RELCH: variants seen among roughly 807,000 people sequenced by gnomAD.
The protein encoded by RELCH is RAB11 binding and LisH domain, coiled-coil and HEAT repeat containing.
RELCH carries 41 observed loss-of-function variants against 150.3 expected under a neutral mutation model. The ratio of observed to expected loss-of-function variants is 0.27; its 90% confidence interval spans 0.21 to 0.35. The LOEUF is 0.35. Ranked by LOEUF, RELCH falls within the 10% of genes least tolerant of loss-of-function variation. RELCH has a pLI of 1.00. For missense variants in RELCH, 1,092 were observed against 1,467.8 expected, an observed-to-expected ratio of 0.74 and a Z score of 4.18; for synonymous variants, 478 against 531.8, an observed-to-expected ratio of 0.90 and a Z score of 1.39.
chr18:62,211,122 T>TA (rs1363459452), intron 1 of RELCH, 31 bp from the exon 2 acceptor site: 1 of 1,221,266 alleles, frequency 8.2e-7, no homozygotes, highest in Admixed American at 2.2e-5. Context: ...ACAATTAAAT[T>TA]AAAAAACTTT....
chr18:62,196,487 C>T (rs1217229344), intron 1 of RELCH, among the ~76,000 whole-genome samples: 2 of 152,206 alleles, frequency 1.3e-5, no homozygotes, highest in East Asian at 1.9e-4. Context: ...GCCTCGGCCT[C>T]CCAACGTGCT....
intron 20 of RELCH, among the ~76,000 whole-genome samples, chr18:62,273,015 T>C (rs1485712260): frequency 6.6e-6 from 1 of 151,758 alleles, no homozygotes; most frequent in Non-Finnish European, 1.5e-5. Flanking sequence ...TACTTCATTC[T>C]TAACTAACCT....
intron 5 of RELCH, among the ~76,000 whole-genome samples, chr18:62,224,645 TATC>T (rs1448587152): frequency 6.6e-6 from 1 of 152,078 alleles, no homozygotes; most frequent in Middle Eastern, 3.2e-3. Context: ...ATTTTTAAAA[TATC>T]ATGTTCAATA....
chr18:62,188,042 G>T lies in RELCH; in HGVS notation c.526+11G>T, dbSNP rs773150265. The T allele has an allele frequency of 1.3e-6, 2 of 1,543,274 alleles. No individual in the cohort carries two copies. Among genetic ancestry groups the T allele is most frequent in the Non-Finnish European group, 1.7e-6 (2 of 1,144,964 alleles). ...GCGGGGGACAGCTCAGTAAGTGGAC[G>T]CAGCCTGTCACACTCCGGCAGGGTA... On this transcript the variant is annotated intron_variant, in intron 1 of 28. Transcript: ENST00000644646.
At chr18:62,226,870 A>G (rs1023471916) in intron 5 of RELCH, among the ~76,000 whole-genome samples, 3 of 152,092 alleles carry the variant, frequency 2.0e-5, no homozygotes, top group African/African-American at 7.2e-5. Context: ...TTATAACAAA[A>G]TTATGATTAT....
intron 22 of RELCH, chr18:62,278,014 G>A (rs976318924): frequency 1.7e-5 from 3 of 171,476 alleles, no homozygotes; most frequent in African/African-American, 7.2e-5. Context: ...TTCTTCATCT[G>A]TTAAAATATT....
chr18:62,297,147 C>T (rs534636902), intron 27 of RELCH, among the ~76,000 whole-genome samples: 5 of 152,138 alleles, frequency 3.3e-5, no homozygotes, highest in African/African-American at 7.2e-5. Context: ...CTTGAGATAT[C>T]GGGCATAGCT....
chr18:62,216,858 T>TTA (rs34567854), intron 2 of RELCH, among the ~76,000 whole-genome samples: 117,710 of 151,736 alleles, frequency 0.78, 45,862 homozygotes, highest in East Asian at 0.91. Flanking sequence ...GCTTCTAATT[T>TTA]TGTTTCTCCC....
intron 1 of RELCH, among the ~76,000 whole-genome samples, chr18:62,209,364 G>A (rs2040013777): frequency 6.6e-6 from 1 of 152,148 alleles, no homozygotes; most frequent in Admixed American, 6.6e-5. Flanking sequence ...TAGATATACA[G>A]TTGGCCCAGC....
intron 1 of RELCH, among the ~76,000 whole-genome samples, chr18:62,200,324 A>G (rs2039343032): frequency 6.6e-6 from 1 of 152,184 alleles, no homozygotes; most frequent in African/African-American, 2.4e-5. Flanking sequence ...ACAAAGTTTT[A>G]CCGAAGTTTT....
intron 17 of RELCH, 37 bp from the exon 18 acceptor site, chr18:62,264,692 G>A: frequency 2.0e-6 from 3 of 1,484,514 alleles, no homozygotes; most frequent in Non-Finnish European, 2.8e-6. Context: ...TAATTTATAT[G>A]TATCCCCTGC....
intron 28 of RELCH, among the ~76,000 whole-genome samples, chr18:62,299,513 C>T (rs1482294542): frequency 1.3e-5 from 2 of 152,248 alleles, no homozygotes; most frequent in African/African-American, 4.8e-5. Context: ...TCTAGAAACA[C>T]ACACACACTC....
intron 15 of RELCH, among the ~76,000 whole-genome samples, chr18:62,260,824 AC>A (rs1282564279): frequency 6.6e-6 from 1 of 152,014 alleles, no homozygotes; most frequent in Non-Finnish European, 1.5e-5. Context: ...GCACAGAAAG[AC>A]AAATATTGAA....
intron 5 of RELCH, among the ~76,000 whole-genome samples, chr18:62,226,089 G>A (rs369177577): frequency 9.9e-5 from 15 of 151,954 alleles, no homozygotes; most frequent in East Asian, 7.7e-4. Flanking sequence ...CAAATAAACC[G>A]TCAAAGGATT....
intron 7 of RELCH, 67 bp downstream of exon 7, chr18:62,227,756 A>T: frequency 1.4e-6 from 1 of 716,526 alleles, no homozygotes; most frequent in Non-Finnish European, 2.3e-6. Context: ...AAGTTATGCA[A>T]ATATATGAAA....
At chr18:62,215,139 A>G (rs1031984887) in intron 2 of RELCH, among the ~76,000 whole-genome samples, 2 of 152,220 alleles carry the variant, frequency 1.3e-5, no homozygotes, top group South Asian at 2.1e-4. Context: ...CAATGATTTA[A>G]TTTTGAAGCT....
chr18:62,250,842 G>A (rs570552115), intron 11 of RELCH, among the ~76,000 whole-genome samples: 49 of 152,270 alleles, frequency 3.2e-4, no homozygotes, highest in African/African-American at 1.1e-3. Context: ...ATGCCTAGAC[G>A]TAAAGTACTG....
chr18:62,309,858 T>C lies in RELCH; in HGVS notation c.*4324T>C, dbSNP rs1018827666. The stretch of plus-strand genomic sequence containing the variant: ...ATGTAGTTTATAAACTGGTATTTTG[T>C]GTTGTGTGTTATGTATATTAAATTC... On this transcript the variant is annotated 3_prime_UTR_variant, in exon 29 of 29. Transcript: ENST00000644646. 1.3e-5 allele frequency: 2 copies of C among 152,200 alleles called. No individual in the cohort carries two copies. The highest frequency in any genetic ancestry group is 2.9e-5 in the Non-Finnish European group (2 of 68,026). 9.4% of individuals were successfully genotyped at this position (152,200 alleles called of 1,614,324 possible).
intron 1 of RELCH, among the ~76,000 whole-genome samples, chr18:62,192,579 G>A (rs573934589): frequency 1.3e-5 from 2 of 152,302 alleles, no homozygotes; most frequent in East Asian, 1.9e-4. Context: ...TTGTAAGGAA[G>A]GAGTCCAGTG....
Sources: allele counts gnomAD v4.1 joint callset (sites outside exome capture counted in the v4.1 genomes callset), GRCh38; gene constraint gnomAD v4.1.1; transcripts MANE v1.5; gene names NCBI Gene and HGNC (gene_info 2026-07-23, HGNC 2026-07-21).